Variants in PTAR1 observed in about 807,000 individuals in gnomAD.
The protein encoded by PTAR1 is protein prenyltransferase alpha subunit repeat containing 1.
PTAR1 carries 17 observed loss-of-function variants against 45.5 expected under a neutral mutation model. That is an observed-to-expected ratio of 0.37 (90% CI 0.26 to 0.56). PTAR1 has a LOEUF of 0.56. Ranked by LOEUF, PTAR1 falls within the 20% of genes least tolerant of loss-of-function variation. The pLI is 0.77. For synonymous variants in PTAR1, 169 were observed against 171.3 expected, an observed-to-expected ratio of 0.99 and a Z score of 0.11; for missense variants, 391 against 476.3, an observed-to-expected ratio of 0.82 and a Z score of 1.67.
chr9:69,741,614 A>T lies in PTAR1; in HGVS notation c.323+178T>A, dbSNP rs117126133. On this transcript the variant is annotated intron_variant, in intron 3 of 7. Coordinates refer to ENST00000340434, the MANE Select transcript of PTAR1 (RefSeq NM_001099666.2). ...ATTTCAGGCAAGAAAGTTTATGAAGACACCACACAAAAAGGGGCAAAATGC... is the reference window on the plus strand; with the variant it reads ...ATTTCAGGCAAGAAAGTTTATGAAGTCACCACACAAAAAGGGGCAAAATGC... 8.4e-3 allele frequency: 4,742 copies of T among 562,184 alleles called. 135 individuals are homozygous for T. The highest frequency in any genetic ancestry group is 0.079 in the East Asian group (2,766 of 35,016). 34.8% of individuals were successfully genotyped at this position (562,184 alleles called of 1,614,324 possible).
rs1050394112 is a variant in PTAR1 at position 69,714,475 on chromosome 9, A to G, written c.*3867T>C. 5.3e-5 allele frequency: 8 copies of G among 152,016 alleles called. No homozygotes were observed. The highest frequency in any genetic ancestry group is 1.9e-4 in the African/African-American group (8 of 41,410). The allele number at this position is 152,016 out of a possible 1,614,324, so 9.4% of individuals were successfully genotyped here. ...GTGCTATGTAAGAGAAAATTATTAA[A>G]CTGACAATTTGTTTGCTTCAATACT... On this transcript the variant is annotated 3_prime_UTR_variant, in exon 8 of 8. Transcript: ENST00000340434.
chr9:69,745,248 A>T (rs558102667), intron 2 of PTAR1, among the ~76,000 whole-genome samples: 2 of 152,366 alleles, frequency 1.3e-5, no homozygotes, highest in East Asian at 3.9e-4. Context: ...AATACGCAGC[A>T]ATAACAAAAA....
intron 6 of PTAR1, among the ~76,000 whole-genome samples, chr9:69,719,935 GTGTGTTC>G (rs1193238357): frequency 2.6e-5 from 4 of 152,262 alleles, no homozygotes; most frequent in Admixed American, 2.6e-4. Context: ...TAAATGTTGT[GTGTGTTC>G]TGATTGCTCC....
At chr9:69,728,050 A>G (rs1315453564) in intron 5 of PTAR1, among the ~76,000 whole-genome samples, 3 of 152,150 alleles carry the variant, frequency 2.0e-5, no homozygotes, top group Non-Finnish European at 4.4e-5. Context: ...AAATCATACA[A>G]TATGTGGCCT....
intron 5 of PTAR1, among the ~76,000 whole-genome samples, chr9:69,728,031 A>G (rs934729960): frequency 6.6e-6 from 1 of 152,168 alleles, no homozygotes; most frequent in African/African-American, 2.4e-5. Flanking sequence ...TGAACATGTT[A>G]TATAAATGAA....
intron 2 of PTAR1, among the ~76,000 whole-genome samples, chr9:69,745,026 ACTCAGTGAAAC>A (rs1423306796): frequency 2.0e-5 from 3 of 152,142 alleles, no homozygotes; most frequent in Non-Finnish European, 4.4e-5. Flanking sequence ...ACAAGGACTC[ACTCAGTGAAAC>A]CTCAGTGAAA....
chr9:69,728,537 A>G (rs1207208141), intron 5 of PTAR1, among the ~76,000 whole-genome samples: 3 of 151,760 alleles, frequency 2.0e-5, no homozygotes, highest in Admixed American at 6.6e-5. Context: ...GTGGTATCTC[A>G]CTCCCTGTGG....
At chr9:69,748,425 TA>T (rs1407151268) in intron 2 of PTAR1, among the ~76,000 whole-genome samples, 3 of 151,066 alleles carry the variant, frequency 2.0e-5, no homozygotes, top group Non-Finnish European at 4.4e-5. Flanking sequence ...AATCAATCTC[TA>T]ACTAACTAAC....
chr9:69,744,004 A>G (rs1040790245), intron 2 of PTAR1, among the ~76,000 whole-genome samples: 2 of 152,218 alleles, frequency 1.3e-5, no homozygotes, highest in Non-Finnish European at 2.9e-5. Context: ...CATACTGGAA[A>G]AAGTATGAGC....
rs2134067018 is a variant in PTAR1, at chr9:69,716,880, G to A, written c.*1462C>T. On this transcript the variant is annotated 3_prime_UTR_variant, in exon 8 of 8. Coordinates refer to ENST00000340434, the MANE Select transcript of PTAR1 (RefSeq NM_001099666.2). ...TCTTGAAGACACACCCCTGAAGTAA[G>A]AAAGGAAAGGTATACAAAAATGACA... 6.6e-6 allele frequency: 1 copy of A among 152,126 alleles called. No homozygotes were observed. Among genetic ancestry groups the A allele is most frequent in the Admixed American group, 6.6e-5 (1 of 15,242 alleles). 9.4% of individuals were successfully genotyped at this position (152,126 alleles called of 1,614,324 possible).
chr9:69,739,482 C>T (rs1472938452), intron 3 of PTAR1, among the ~76,000 whole-genome samples: 2 of 151,102 alleles, frequency 1.3e-5, no homozygotes, highest in Non-Finnish European at 2.9e-5. Context: ...TACAGGAGAT[C>T]AGTTCAAAAA....
chr9:69,741,789 T>C lies in PTAR1; in HGVS notation c.323+3A>G. 3.8e-6 allele frequency: 6 copies of C among 1,580,470 alleles called. No homozygotes were observed. Among genetic ancestry groups the C allele is most frequent in the Non-Finnish European group, 5.2e-6 (6 of 1,155,622 alleles). On this transcript the variant is annotated splice_donor_region_variant and intron_variant, in intron 3 of 7. Coordinates refer to ENST00000340434, the MANE Select transcript of PTAR1 (RefSeq NM_001099666.2). The stretch of plus-strand genomic sequence containing the variant: ...TATCATATCACTAATGAAAATGACA[T>C]ACCTCACGTTCCATGCAGTGGTAAA...
At chr9:69,723,973 T>A (rs1194785908) in intron 5 of PTAR1, among the ~76,000 whole-genome samples, 4 of 152,254 alleles carry the variant, frequency 2.6e-5, no homozygotes, top group African/African-American at 9.6e-5. Context: ...GGTATTCATT[T>A]ACAAGTAATG....
chr9:69,718,801 A>G lies in PTAR1; in HGVS notation c.948-117T>C, dbSNP rs1307560406. 8.9e-6 allele frequency: 6 copies of G among 677,580 alleles called. No homozygotes were observed. The East Asian group carries it at 1.1e-4, about 12-fold the overall frequency. 42.0% of individuals were successfully genotyped at this position (677,580 alleles called of 1,614,324 possible). A position where few individuals can be genotyped will look rare whatever the true frequency, so the allele number is the denominator to read the frequency against. ...CAGTATTCAATTCACTGCCCATTTCATAACCAAGTTATACAGAGGAAGGAG... is the reference window on the plus strand; with the variant it reads ...CAGTATTCAATTCACTGCCCATTTCGTAACCAAGTTATACAGAGGAAGGAG... On this transcript the variant is annotated intron_variant, in intron 6 of 7. Transcript: ENST00000340434.
chr9:69,741,957 C>T, intron 2 of PTAR1, 99 bp from the exon 3 acceptor site: 2 of 714,060 alleles, frequency 2.8e-6, no homozygotes, highest in Non-Finnish European at 4.9e-6. Context: ...TCACATTATA[C>T]TAATATATCT....
chr9:69,738,157 T>C (rs1242388167), intron 3 of PTAR1, among the ~76,000 whole-genome samples: 2 of 152,216 alleles, frequency 1.3e-5, no homozygotes, highest in East Asian at 3.8e-4. Flanking sequence ...TTTGAGAATA[T>C]GGGTCAGGTA....
In PTAR1 at chr9:69,717,593, G is replaced by C. The variant is rs1564123436; in HGVS notation, c.*749C>G. ...AATTGGGTAGAACATGCTAGAGAAA[G>C]AGAACTAGTTTACATTTTTAAACAT... On this transcript the variant is annotated 3_prime_UTR_variant, in exon 8 of 8. Coordinates refer to ENST00000340434, the MANE Select transcript of PTAR1 (RefSeq NM_001099666.2). 1.3e-5 allele frequency: 2 copies of C among 152,140 alleles called. No individual in the cohort carries two copies. The highest frequency in any genetic ancestry group is 4.1e-4 in the South Asian group (2 of 4,832). 9.4% of individuals were successfully genotyped at this position (152,140 alleles called of 1,614,324 possible). A position where few individuals can be genotyped will look rare whatever the true frequency, so the allele number is the denominator to read the frequency against.
At chr9:69,739,551 C>T (rs1029487797) in intron 3 of PTAR1, among the ~76,000 whole-genome samples, 4 of 152,156 alleles carry the variant, frequency 2.6e-5, no homozygotes, top group South Asian at 2.1e-4. Flanking sequence ...TTGAACTAGA[C>T]GTCTATTGCA....
In PTAR1 at chr9:69,754,532, C is replaced by CTTTTTTTTTTTTT. The variant is rs60025062; in HGVS notation, c.87-3595_87-3583dup. On this transcript the variant is annotated intron_variant, in intron 1 of 7. Transcript: ENST00000340434. Reference sequence around the variant, plus strand: ...GCTATTAACATGTTTGGGTATATATCTTTTTTTTTTTTTTTTTTTTTTTCC... The same window carrying CTTTTTTTTTTTTT: ...GCTATTAACATGTTTGGGTATATATCTTTTTTTTTTTTTTTTTTTTTTTTTTTTTTTTTTTTCC... Among the ~76,000 whole-genome samples the CTTTTTTTTTTTTT allele has an allele frequency of 7.8e-3, 595 of 76,256 alleles. 31 individuals are homozygous for CTTTTTTTTTTTTT. The highest frequency in any genetic ancestry group is 0.012 in the East Asian group (29 of 2,470). The allele number at this position is 76,256 out of a possible 152,430, so 50.0% of individuals were successfully genotyped here.
Sources: allele counts gnomAD v4.1 joint callset (sites outside exome capture counted in the v4.1 genomes callset), GRCh38; gene constraint gnomAD v4.1.1; transcripts MANE v1.5; gene names NCBI Gene and HGNC (gene_info 2026-07-23, HGNC 2026-07-21).